PSMA1: variants seen among roughly 807,000 people sequenced by gnomAD.
PSMA1 encodes proteasome subunit alpha type-1.
A neutral mutation model predicts 38.4 loss-of-function variants in PSMA1; 3 were observed. The ratio of observed to expected loss-of-function variants is 0.08; its 90% CI spans 0.04 to 0.20. The LOEUF (loss-of-function observed/expected upper bound fraction) is 0.20. PSMA1 is among the 10% of genes least tolerant of loss of function. The pLI, the probability that PSMA1 is intolerant of heterozygous loss-of-function variation, is 1.00. For synonymous variants in PSMA1, 101 were observed against 107.1 expected (o/e 0.94, Z 0.35); for missense variants, 227 against 325.3 (o/e 0.70, Z 2.32).
At chr11:14,589,042 C>T (rs1310328269) in intron 2 of PSMA1, among the ~76,000 whole-genome samples, 1 of 152,196 alleles carries the variant, frequency 6.6e-6, no homozygotes, top group Non-Finnish European at 1.5e-5. Context: ...TTGAATAAAT[C>T]AAGCATGCTC....
chr11:14,553,619 G>C (rs1239103367), intron 2 of PSMA1, among the ~76,000 whole-genome samples: 1 of 150,764 alleles, frequency 6.6e-6, no homozygotes, highest in East Asian at 1.9e-4. Flanking sequence ...TAATTTTCTT[G>C]AGACTCATAC....
chr11:14,619,480 C>T (rs1178442499), intron 1 of PSMA1, among the ~76,000 whole-genome samples: 1 of 152,030 alleles, frequency 6.6e-6, no homozygotes, highest in South Asian at 2.1e-4. Flanking sequence ...ACATAAAGAG[C>T]TAAAAGAATA....
chr11:14,593,661 A>AGAGAGAGC (rs1214268184), intron 2 of PSMA1, among the ~76,000 whole-genome samples: 3 of 131,546 alleles, frequency 2.3e-5, no homozygotes, highest in East Asian at 2.2e-4. Context: ...AGAGAGAGAG[A>AGAGAGAGC]GCGCCAGCCC....
At chr11:14,548,092 A>G (rs764988810) in intron 2 of PSMA1, among the ~76,000 whole-genome samples, 3 of 152,084 alleles carry the variant, frequency 2.0e-5, no homozygotes, top group Non-Finnish European at 4.4e-5. Flanking sequence ...ATAATAGCTG[A>G]TGTTTATATA....
At chr11:14,540,662 A>T (rs1445227618) in intron 2 of PSMA1, among the ~76,000 whole-genome samples, 1 of 152,248 alleles carries the variant, frequency 6.6e-6, no homozygotes, top group African/African-American at 2.4e-5. Flanking sequence ...GTTAAACATC[A>T]ACTTTTCCTC....
At chr11:14,546,716 G>A (rs141126653) in intron 2 of PSMA1, among the ~76,000 whole-genome samples, 3 of 152,292 alleles carry the variant, frequency 2.0e-5, no homozygotes, top group African/African-American at 7.2e-5. Context: ...AATTAGAGGT[G>A]TCAGCCACCA....
chr11:14,581,365 C>T (rs937485037), intron 2 of PSMA1, among the ~76,000 whole-genome samples: 2 of 152,142 alleles, frequency 1.3e-5, no homozygotes, highest in East Asian at 3.9e-4. Context: ...AATCCAAGGT[C>T]TAAAACCAAA....
rs555351054 is a variant in PSMA1 at position 14,554,034 on chromosome 11, TA to T, written c.22-34994del. On this transcript the variant is annotated intron_variant, in intron 2 of 10. Transcript: ENST00000418988. ...ATATAATGATATCTCATCATGGTTT[TA>T]ATTTGCATCTTCCTAATGGCTAATG... is the stretch of plus-strand genomic sequence containing the variant. 1.2e-3 allele frequency among the ~76,000 whole-genome samples: 184 copies of T among 152,326 alleles called. 2 individuals carry two copies. The highest frequency in any genetic ancestry group is 4.3e-3 in the African/African-American group (179 of 41,582).
rs927443270 is a variant in PSMA1, at chr11:14,609,181, C to G, written c.21+1785G>C. On this transcript the variant is annotated intron_variant, in intron 2 of 10. Coordinates refer to the PSMA1 transcript ENST00000418988. ...TGCAATTTGGAAAGCAAGCTAATCC[C>G]TAGATTGTAATGTTGATACTATAGG... Among the ~76,000 whole-genome samples the G allele has an allele frequency of 3.9e-5, 6 of 152,294 alleles. No individual in the cohort carries two copies. The East Asian group carries it at 1.2e-3, about 29-fold the overall frequency.
intron 2 of PSMA1, among the ~76,000 whole-genome samples, chr11:14,604,363 A>G (rs1852618060): frequency 6.6e-6 from 1 of 152,106 alleles, no homozygotes. Context: ...TGCCCAGCCT[A>G]ATTCTACTTT....
intron 1 of PSMA1, among the ~76,000 whole-genome samples, chr11:14,622,017 T>C (rs148423265): frequency 3.6e-4 from 55 of 152,342 alleles, no homozygotes; most frequent in African/African-American, 1.3e-3. Flanking sequence ...TTGAATGTCA[T>C]ACTGAATTTA....
At position 14,534,414 on chromosome 11, in the gene PSMA1, A is replaced by G. The variant is rs921158212; in HGVS notation, c.22-15373T>C. On this transcript the variant is annotated intron_variant, in intron 2 of 10. Coordinates refer to the PSMA1 transcript ENST00000418988. This position sits in a 1 kb window ranked among gnomAD's most constrained non-coding sequence, Gnocchi z 4.5. ...ATAATTTATTTGACTAATATTTGAT[A>G]GCCTTTAAACAGCTTGCTTTAAACT... Among the ~76,000 whole-genome samples the G allele has an allele frequency of 1.3e-5, 2 of 152,204 alleles. No homozygotes were observed. The highest frequency in any genetic ancestry group is 4.8e-5 in the African/African-American group (2 of 41,456).
At chr11:14,603,398 A>C (rs959671158) in intron 2 of PSMA1, among the ~76,000 whole-genome samples, 1 of 152,174 alleles carries the variant, frequency 6.6e-6, no homozygotes, top group Non-Finnish European at 1.5e-5. Context: ...TAATCAGATG[A>C]CTTTATTATC....
At chr11:14,541,040 T>C (rs1276780767) in intron 2 of PSMA1, among the ~76,000 whole-genome samples, 2 of 152,186 alleles carry the variant, frequency 1.3e-5, no homozygotes, top group African/African-American at 4.8e-5. Flanking sequence ...TATACATATG[T>C]AACAAACCTG....
chr11:14,630,867 T>G (rs1852995313), intron 1 of PSMA1, among the ~76,000 whole-genome samples: 1 of 152,152 alleles, frequency 6.6e-6, no homozygotes, highest in African/African-American at 2.4e-5. Context: ...TGTTCAGAGA[T>G]TCAACTTCTT....
intron 1 of PSMA1, 49 bp from the exon 2 acceptor site, chr11:14,519,090 C>T: frequency 7.2e-7 from 1 of 1,388,982 alleles, no homozygotes; most frequent in Non-Finnish European, 1.0e-6. Flanking sequence ...CATTTCAAAT[C>T]CCAACTCTTA....
At chr11:14,566,583 C>T (rs1276969749) in intron 2 of PSMA1, among the ~76,000 whole-genome samples, 1 of 152,152 alleles carries the variant, frequency 6.6e-6, no homozygotes, top group Non-Finnish European at 1.5e-5. Flanking sequence ...GGACATTGGC[C>T]TGTTGGGTGT....
chr11:14,609,027 C>T (rs896135214), intron 2 of PSMA1, among the ~76,000 whole-genome samples: 5 of 152,128 alleles, frequency 3.3e-5, no homozygotes, highest in Admixed American at 6.6e-5. Context: ...CCCTCAGTAG[C>T]GCAGTTCCTA....
Position 14,534,678 on chromosome 11 carries a change from C to A in PSMA1, c.22-15637G>T, listed in dbSNP as rs1482106472. ...TGTGTTTTTTCCCTTTCAATACTAT[C>A]CATCTGGAGAAGGGAGAATATCCTG... On this transcript the variant is annotated intron_variant, in intron 2 of 10. Transcript: ENST00000418988. The surrounding 1 kb of genome is among the most constrained non-coding windows in gnomAD (Gnocchi z 4.5). 1.3e-5 allele frequency among the ~76,000 whole-genome samples: 2 copies of A among 151,936 alleles called. No homozygotes were observed. Among genetic ancestry groups the A allele is most frequent in the Non-Finnish European group, 2.9e-5 (2 of 68,010 alleles).
Sources: gnomAD v4.1 joint callset for allele counts (sites outside exome capture counted in the v4.1 genomes callset) on GRCh38, gnomAD v4.1.1 for gene constraint, Gnocchi (gnomAD v3.1) non-coding constraint, MANE v1.5 for transcripts, NCBI Gene and HGNC (gene_info 2026-07-23, HGNC 2026-07-21) for gene names.